PPHLN1: variants seen among roughly 807,000 people sequenced by gnomAD.
The protein encoded by PPHLN1 is periphilin-1.
Under a neutral mutation model 51.3 loss-of-function variants are expected in PPHLN1, and 29 were observed. The observed-to-expected ratio is 0.57, with a 90% CI of 0.42 to 0.77. The LOEUF (loss-of-function observed/expected upper bound fraction) is 0.77, where lower values mean the gene tolerates loss of function less well. PPHLN1 is among the 30% of genes least tolerant of loss of function. The pLI, the probability that PPHLN1 is intolerant of heterozygous loss-of-function variation, is 0.00. For missense variants in PPHLN1, 436 were observed against 438.4 expected (o/e 0.99, Z 0.05); for synonymous variants, 147 against 147.8 (o/e 0.99, Z 0.04).
intron 9 of PPHLN1, among the ~76,000 whole-genome samples, chr12:42,430,826 T>A (rs1252829836): frequency 2.0e-5 from 3 of 152,126 alleles, no homozygotes; most frequent in Non-Finnish European, 4.4e-5. Context: ...TTTTGGAAGA[T>A]CAATGTTTAT....
chr12:42,445,446 G>C (rs753578534), downstream of PPHLN1: 74 of 287,270 alleles, frequency 2.6e-4, 1 homozygote, highest in Admixed American at 7.7e-4. Context: ...ACATGTCCCT[G>C]AATTTGGAAA....
intron 5 of PPHLN1, among the ~76,000 whole-genome samples, chr12:42,379,157 C>T (rs2076555623): frequency 6.6e-6 from 1 of 151,530 alleles, no homozygotes; most frequent in South Asian, 2.1e-4. Context: ...CTATCTTACC[C>T]TTTGTCATTT....
chr12:42,400,798 T>TCTCA (rs1372615565), intron 9 of PPHLN1, among the ~76,000 whole-genome samples: 3 of 142,522 alleles, frequency 2.1e-5, no homozygotes, highest in African/African-American at 7.9e-5. Context: ...TCTCTCTCTT[T>TCTCA]CACACACACA....
intron 3 of PPHLN1, among the ~76,000 whole-genome samples, chr12:42,354,430 G>A (rs776550917): frequency 6.0e-4 from 91 of 152,124 alleles, no homozygotes; most frequent in South Asian, 2.1e-4. Context: ...GGCTGGTCTC[G>A]AAATCCTGAA....
In PPHLN1 at chr12:42,347,732, A is replaced by T. The variant is rs115447765; in HGVS notation, c.73-4153A>T. Among the ~76,000 whole-genome samples, 1,065 of 152,276 alleles carry T rather than the reference A, an allele frequency of 7.0e-3. 12 individuals carry two copies. The highest frequency in any genetic ancestry group is 0.024 in the African/African-American group (999 of 41,526). On this transcript the variant is annotated intron_variant, in intron 2 of 9. Coordinates refer to ENST00000358314, the MANE Select transcript of PPHLN1 (RefSeq NM_201439.2). ...GAGGTGTAGGTTGCAGTGAGCTGAGATTGCACCACCGCACTGTAGCCTGTG... is the reference window on the plus strand; with the variant it reads ...GAGGTGTAGGTTGCAGTGAGCTGAGTTTGCACCACCGCACTGTAGCCTGTG...
intron 9 of PPHLN1, among the ~76,000 whole-genome samples, chr12:42,426,053 C>T (rs1292625636): frequency 6.6e-6 from 1 of 152,162 alleles, no homozygotes; most frequent in Non-Finnish European, 1.5e-5. Context: ...GATGGCTGAT[C>T]TGACCTATTT....
intron 4 of PPHLN1, among the ~76,000 whole-genome samples, chr12:42,364,658 T>C (rs751478835): frequency 3.3e-5 from 5 of 152,094 alleles, no homozygotes; most frequent in Admixed American, 1.3e-4. Context: ...AGGTGGCTCA[T>C]GCTTGTAATC....
At chr12:42,332,637 G>C (rs1444569081) in intron 1 of PPHLN1, 1 of 1,541,740 alleles carries the variant, frequency 6.5e-7, no homozygotes, top group Non-Finnish European at 8.9e-7. Flanking sequence ...AAATCTTTAC[G>C]TCTGTATTTC....
At chr12:42,445,795 C>A, downstream of PPHLN1, 1 of 668,520 alleles carries the variant, frequency 1.5e-6, no homozygotes, top group Non-Finnish European at 2.4e-6. Context: ...CCTTACTTAC[C>A]CTTAATTTCT....
intron 7 of PPHLN1, among the ~76,000 whole-genome samples, chr12:42,388,063 C>A (rs2077343069): frequency 1.3e-5 from 2 of 152,350 alleles, no homozygotes; most frequent in South Asian, 4.1e-4. Context: ...TCCAAGGTTT[C>A]TCCCCATGTG....
chr12:42,417,744 A>G (rs1212676331), intron 9 of PPHLN1, among the ~76,000 whole-genome samples: 1 of 152,028 alleles, frequency 6.6e-6, no homozygotes, highest in Non-Finnish European at 1.5e-5. Flanking sequence ...AGTCTCTTTT[A>G]CTTTTTAACT....
intron 9 of PPHLN1, among the ~76,000 whole-genome samples, chr12:42,423,307 CA>C (rs1414923966): frequency 5.3e-5 from 8 of 152,030 alleles, no homozygotes; most frequent in Admixed American, 1.3e-4. Flanking sequence ...ATAATGCCTT[CA>C]GAGATAAAAG....
chr12:42,443,029 C>T, downstream of PPHLN1: 1 of 323,836 alleles, frequency 3.1e-6, no homozygotes, highest in Admixed American at 4.1e-5. Context: ...CAATGGGTCC[C>T]AGTAAAATCT....
intron 2 of PPHLN1, among the ~76,000 whole-genome samples, chr12:42,347,434 C>G (rs2072520920): frequency 6.6e-6 from 1 of 152,142 alleles, no homozygotes; most frequent in African/African-American, 2.4e-5. Context: ...TATTTGTATT[C>G]ATGTCTGGCA....
At chr12:42,380,608 T>G (rs1356308505) in intron 5 of PPHLN1, among the ~76,000 whole-genome samples, 1 of 152,138 alleles carries the variant, frequency 6.6e-6, no homozygotes, top group Non-Finnish European at 1.5e-5. Flanking sequence ...ATGAATTTTT[T>G]GATTATAGCT....
intron 2 of PPHLN1, 49 bp from the exon 3 acceptor site, chr12:42,351,836 C>G: frequency 2.7e-6 from 4 of 1,475,790 alleles, no homozygotes; most frequent in Non-Finnish European, 2.7e-6. Flanking sequence ...TTTCCAAAAC[C>G]AAATAGAGAA....
At chr12:42,420,510 G>A (rs1457299247) in intron 9 of PPHLN1, among the ~76,000 whole-genome samples, 1 of 149,820 alleles carries the variant, frequency 6.7e-6, no homozygotes. Flanking sequence ...ACTTTCTTGC[G>A]CAGGCTAGGG....
intron 9 of PPHLN1, among the ~76,000 whole-genome samples, chr12:42,417,594 A>C (rs1184646029): frequency 6.6e-6 from 1 of 152,182 alleles, no homozygotes; most frequent in Admixed American, 6.5e-5. Flanking sequence ...GCCTCCTTTA[A>C]GTAAGCGTAG....
At chr12:42,404,566 C>G (rs2079124157) in intron 9 of PPHLN1, among the ~76,000 whole-genome samples, 1 of 121,882 alleles carries the variant, frequency 8.2e-6, no homozygotes, top group African/African-American at 3.6e-5. Flanking sequence ...TATTTCATAG[C>G]AAGTTTGTGA....
Sources: gnomAD v4.1 joint callset for allele counts (sites outside exome capture counted in the v4.1 genomes callset) on GRCh38, gnomAD v4.1.1 for gene constraint, MANE v1.5 for transcripts, NCBI Gene and HGNC (gene_info 2026-07-23, HGNC 2026-07-21) for gene names.